The following SAMMSON variants were observed in gnomAD, a reference collection of about 807,000 sequenced individuals.
SAMMSON encodes long intergenic non-protein coding RNA 1212.
intron 4 of SAMMSON, among the ~76,000 whole-genome samples, chr3:70,190,221 C>A (rs1008180124): frequency 6.6e-6 from 1 of 152,088 alleles, no homozygotes; most frequent in African/African-American, 2.4e-5. Context: ...TTTCTAATTT[C>A]TTTCCCATCC....
intron 4 of SAMMSON, among the ~76,000 whole-genome samples, chr3:70,127,408 G>A (rs1244513264): frequency 2.0e-5 from 3 of 152,148 alleles, no homozygotes; most frequent in Non-Finnish European, 4.4e-5. Context: ...AGTCCCTGGT[G>A]CTGGATGGCA....
At chr3:70,280,400 A>G (rs1236563485) in intron 6 of SAMMSON, among the ~76,000 whole-genome samples, 1 of 152,140 alleles carries the variant, frequency 6.6e-6, no homozygotes, top group South Asian at 2.1e-4. Flanking sequence ...GGTGGCCATT[A>G]TTCAACCTAC....
intron 2 of SAMMSON, among the ~76,000 whole-genome samples, chr3:70,416,619 T>A (rs1199768604): frequency 6.6e-6 from 1 of 152,140 alleles, no homozygotes; most frequent in African/African-American, 2.4e-5. Flanking sequence ...TTGCTGTTGT[T>A]TTTTTAACCA....
chr3:70,104,460 T>A lies in SAMMSON; in HGVS notation n.507+32895T>A, dbSNP rs1051931932. Among the ~76,000 whole-genome samples the A allele has an allele frequency of 2.0e-5, 3 of 152,078 alleles. No homozygotes were observed. The East Asian group carries it at 5.8e-4, about 29-fold the overall frequency. On this transcript the variant is annotated intron_variant and non_coding_transcript_variant, in intron 4 of 9. Coordinates refer to ENST00000642114, the Ensembl canonical transcript of SAMMSON. ...TATTCAATTAATGTTTGCCATTTGATGATGCTGATAGAAGTAAAAGCCCTA... is the reference window on the plus strand; with the variant it reads ...TATTCAATTAATGTTTGCCATTTGAAGATGCTGATAGAAGTAAAAGCCCTA...
At chr3:70,193,236 T>C (rs1056716312) in intron 4 of SAMMSON, among the ~76,000 whole-genome samples, 1 of 152,150 alleles carries the variant, frequency 6.6e-6, no homozygotes, top group African/African-American at 2.4e-5. Context: ...CCTGTAATAT[T>C]AGGAGCAATT....
At chr3:70,085,057 C>T (rs1206219880) in intron 4 of SAMMSON, among the ~76,000 whole-genome samples, 4 of 152,082 alleles carry the variant, frequency 2.6e-5, no homozygotes, top group Non-Finnish European at 5.9e-5. Flanking sequence ...GGGTTAGTTA[C>T]GGTTTCTGGA....
intron 2 of SAMMSON, among the ~76,000 whole-genome samples, chr3:70,428,154 A>G (rs1701386553): frequency 6.6e-6 from 1 of 152,214 alleles, no homozygotes; most frequent in Admixed American, 6.5e-5. Flanking sequence ...AAACTCAATA[A>G]TGTTAAGAAA....
At chr3:70,070,655 A>G (rs560333214) in intron 3 of SAMMSON, among the ~76,000 whole-genome samples, 4 of 151,960 alleles carry the variant, frequency 2.6e-5, no homozygotes, top group African/African-American at 7.2e-5. Context: ...GTTTCCATAT[A>G]TTTATTACTT....
intron 9 of SAMMSON, among the ~76,000 whole-genome samples, chr3:70,372,470 T>C (rs1702978997): frequency 6.6e-6 from 1 of 152,006 alleles, no homozygotes; most frequent in African/African-American, 2.4e-5. Context: ...TGGCTCATTT[T>C]TGTATTATTA....
chr3:70,088,943 GTA>G (rs2067296163), intron 4 of SAMMSON, among the ~76,000 whole-genome samples: 2 of 152,096 alleles, frequency 1.3e-5, no homozygotes, highest in African/African-American at 4.8e-5. Flanking sequence ...GGCACATTGT[GTA>G]TTTTCACTCA....
chr3:70,210,924 A>G (rs1488327806), intron 4 of SAMMSON, among the ~76,000 whole-genome samples: 1 of 152,110 alleles, frequency 6.6e-6, no homozygotes, highest in Non-Finnish European at 1.5e-5. Context: ...ATTTAATTCA[A>G]TTAACATTTA....
At chr3:70,192,193 G>A (rs1424672123) in intron 4 of SAMMSON, among the ~76,000 whole-genome samples, 1 of 152,136 alleles carries the variant, frequency 6.6e-6, no homozygotes, top group African/African-American at 2.4e-5. Flanking sequence ...GCGATATATG[G>A]AAAGGAAAAT....
intron 4 of SAMMSON, among the ~76,000 whole-genome samples, chr3:70,228,735 A>G (rs1385632487): frequency 6.7e-6 from 1 of 149,814 alleles, no homozygotes; most frequent in Non-Finnish European, 1.5e-5. Flanking sequence ...TAATTTTTTC[A>G]TGAATCTTTT....
At chr3:70,251,394 A>G (rs993537425) in intron 6 of SAMMSON, among the ~76,000 whole-genome samples, 7 of 152,172 alleles carry the variant, frequency 4.6e-5, no homozygotes, top group Admixed American at 3.3e-4. Flanking sequence ...TTATCTGACT[A>G]TGCATCCCAA....
intron 7 of SAMMSON, among the ~76,000 whole-genome samples, chr3:70,340,398 A>ATAT (rs59152271): frequency 2.6e-5 from 4 of 151,136 alleles, no homozygotes; most frequent in South Asian, 2.1e-4. Context: ...ATATATATAT[A>ATAT]AAAAAAGCAG....
intron 4 of SAMMSON, among the ~76,000 whole-genome samples, chr3:70,130,884 C>T (rs2067479883): frequency 6.6e-6 from 1 of 152,166 alleles, no homozygotes; most frequent in Admixed American, 6.6e-5. Flanking sequence ...GCTATTCTCT[C>T]TGTGCTCTGT....
At chr3:70,127,121 G>A (rs529424277) in intron 4 of SAMMSON, 4 of 152,284 alleles carry the variant, frequency 2.6e-5, no homozygotes, top group East Asian at 3.9e-4. Context: ...TTATGACAAA[G>A]GCTGTACCAC....
chr3:70,062,223 C>T (rs984219657), intron 3 of SAMMSON, among the ~76,000 whole-genome samples: 1 of 151,996 alleles, frequency 6.6e-6, no homozygotes, highest in African/African-American at 2.4e-5. Flanking sequence ...GTTAAGGAGG[C>T]CTCTCCTGAC....
intron 4 of SAMMSON, among the ~76,000 whole-genome samples, chr3:70,158,876 G>T (rs1156594658): frequency 6.6e-6 from 1 of 151,906 alleles, no homozygotes; most frequent in African/African-American, 2.4e-5. Context: ...TAATATCAAA[G>T]CTCAATATTT....
Sources: allele counts gnomAD v4.1 joint callset (sites outside exome capture counted in the v4.1 genomes callset), GRCh38; gene constraint gnomAD v4.1.1; transcripts MANE v1.5; gene names NCBI Gene and HGNC (gene_info 2026-07-23, HGNC 2026-07-21).